CPSF3: variants seen among roughly 807,000 people sequenced by gnomAD.
CPSF3 encodes the protein cleavage and polyadenylation specific factor 3.
CPSF3 carries 57 observed loss-of-function variants against 84.1 expected under a neutral mutation model. The observed-to-expected ratio is 0.68, with a 90% CI of 0.55 to 0.85. The LOEUF (loss-of-function observed/expected upper bound fraction) is 0.85. Among genes scored for constraint, CPSF3 ranks in the 40% least tolerant of loss-of-function variants. The pLI, the probability that CPSF3 is intolerant of heterozygous loss-of-function variation, is 0.00. For synonymous variants in CPSF3, 275 were observed against 278.1 expected (o/e 0.99, Z 0.11); for missense variants, 522 against 838.8 (o/e 0.62, Z 4.66).
chr2:9,423,814 TCCGA>T lies in CPSF3; in HGVS notation c.44_47del (p.Arg15ProfsTer8). 3.7e-6 allele frequency: 6 copies of T among 1,613,392 alleles called. No homozygotes were observed. Among genetic ancestry groups the T allele is most frequent in the Non-Finnish European group, 5.1e-6 (6 of 1,179,750 alleles). On this transcript the variant is annotated frameshift_variant, in exon 1 of 18. Coordinates refer to ENST00000238112, the MANE Select transcript of CPSF3 (RefSeq NM_016207.4). LOFTEE classifies it high-confidence loss of function. ...GCTGAGGAGAGCGACCAGCTGCTGATCCGACCCCTGTAAGGGACCAGCGAGAGAG... is the reference window on the plus strand; with the variant it reads ...GCTGAGGAGAGCGACCAGCTGCTGATCCCCTGTAAGGGACCAGCGAGAGAG...
At chr2:9,448,170 A>G (rs963751953) in intron 10 of CPSF3, 28 bp from the exon 11 acceptor site, 1 of 1,404,386 alleles carries the variant, frequency 7.1e-7, no homozygotes. Context: ...ATGTTTCCAT[A>G]TATTCTTTTA....
At chr2:9,471,304 G>A (rs544908167) in intron 16 of CPSF3, 39 bp from the exon 17 acceptor site, 60 of 1,189,616 alleles carry the variant, frequency 5.0e-5, no homozygotes, top group East Asian at 1.6e-4. Context: ...ATATAAAGCC[G>A]GGCATTTTCA....
rs367996277 is a variant in CPSF3 at position 9,436,387 on chromosome 2, C to T, written c.760+26C>T. On this transcript the variant is annotated intron_variant, in intron 7 of 17. Transcript: ENST00000238112. The stretch of plus-strand genomic sequence containing the variant: ...GTATGCCATTTCCTTTGTATTTAGG[C>T]GATGATCAAAATCTTGTCATTTTAT... The T allele has an allele frequency of 3.0e-4, 472 of 1,578,788 alleles. 1 individual carries two copies. The highest frequency in any genetic ancestry group is 5.6e-4 in the South Asian group (48 of 86,262).
chr2:9,449,978 A>T (rs1453403739), intron 11 of CPSF3, among the ~76,000 whole-genome samples: 3 of 151,908 alleles, frequency 2.0e-5, no homozygotes, highest in African/African-American at 7.3e-5. Flanking sequence ...TATGTTGAAG[A>T]GATATGTGCA....
rs1370670757 is a variant in CPSF3, at chr2:9,441,942, T to C, written c.1061T>C (p.Ile354Thr). 5 of 1,614,134 alleles carry C rather than the reference T, an allele frequency of 3.1e-6. No homozygotes were observed. In the Admixed American group the frequency reaches 5.0e-5, roughly 16 times the overall value. Residue 354 changes from isoleucine (I) to threonine (T), a missense_variant, in exon 9 of 18, where the codon ATA becomes ACA. Transcript: ENST00000238112. Reference protein sequence around the residue: ...WCTDKRNGVIIAGYCVEGTLA... With the variant: ...WCTDKRNGVITAGYCVEGTLA... ...ACTGATAAGAGGAATGGTGTCATTATAGCGGGATACTGTGTAGAAGGGACA... is the reference window on the plus strand; with the variant it reads ...ACTGATAAGAGGAATGGTGTCATTACAGCGGGATACTGTGTAGAAGGGACA...
chr2:9,468,916 G>T (rs985556430), intron 16 of CPSF3, among the ~76,000 whole-genome samples: 2 of 151,966 alleles, frequency 1.3e-5, no homozygotes, highest in African/African-American at 4.8e-5. Context: ...GTGAACCCCC[G>T]TGCCCGGCCC....
chr2:9,442,118 A>G (rs1318800837), intron 9 of CPSF3, 142 bp downstream of exon 9: 6 of 802,288 alleles, frequency 7.5e-6, no homozygotes, highest in Non-Finnish European at 8.1e-6. Flanking sequence ...ATAGGTAGCT[A>G]GAGATGTGCG....
Position 9,442,679 on chromosome 2 carries a change from C to T in CPSF3, c.1095+703C>T, listed in dbSNP as rs546857720. ...CAGCCTGGCCAACATGGCGAAACCCCGTCTCTACTAAAAATACAAAAAATT... is the reference window on the plus strand; with the variant it reads ...CAGCCTGGCCAACATGGCGAAACCCTGTCTCTACTAAAAATACAAAAAATT... On this transcript the variant is annotated intron_variant, in intron 9 of 17. Coordinates refer to ENST00000238112, the MANE Select transcript of CPSF3 (RefSeq NM_016207.4). Among the ~76,000 whole-genome samples, 8 of 152,056 alleles carry T rather than the reference C, an allele frequency of 5.3e-5. No individual in the cohort carries two copies. In the East Asian group the frequency reaches 5.8e-4, roughly 11 times the overall value.
At chr2:9,456,905 A>G (rs763653165) in intron 13 of CPSF3, 28 bp from the exon 14 acceptor site, 58 of 1,327,822 alleles carry the variant, frequency 4.4e-5, no homozygotes, top group Non-Finnish European at 6.1e-5. Flanking sequence ...AAAAGTATAT[A>G]CATCTTATAG....
At chr2:9,463,473 G>A (rs573447757) in intron 15 of CPSF3, among the ~76,000 whole-genome samples, 7 of 152,302 alleles carry the variant, frequency 4.6e-5, no homozygotes, top group Non-Finnish European at 8.8e-5. Context: ...GCTGTAAGTG[G>A]TGACAGAAAG....
intron 11 of CPSF3, among the ~76,000 whole-genome samples, chr2:9,451,993 G>A (rs1681349177): frequency 6.6e-6 from 1 of 152,114 alleles, no homozygotes; most frequent in African/African-American, 2.4e-5. Flanking sequence ...TGGGATTATG[G>A]GCGTGAGCCA....
chr2:9,472,994 G>A lies in CPSF3; in HGVS notation c.2032G>A (p.Glu678Lys), dbSNP rs775413626. The change falls in exon 18 of 18, where the codon GAG (glutamate) becomes AAG (lysine). Residue 678 changes from glutamate to lysine, a missense_variant. Around this residue, in one of 2 missense-constraint regions of CPSF3, gnomAD observed 193 missense variants for 231.6 expected, o/e 0.83. Transcript: ENST00000238112. Reference sequence around the variant, plus strand: ...GGAGCTGGCTGCACAGAGACTGTACGAGGCCCTGACGCCAGTTCACTGAGA... The same window carrying A: ...GGAGCTGGCTGCACAGAGACTGTACAAGGCCCTGACGCCAGTTCACTGAGA... ...MVELAAQRLY[E>K]ALTPVH 14 of 1,613,552 alleles carry A rather than the reference G, an allele frequency of 8.7e-6. No individual in the cohort carries two copies. Among genetic ancestry groups the A allele is most frequent in the East Asian group, 2.2e-5 (1 of 44,874 alleles).
Position 9,435,968 on chromosome 2 carries a change from G to A in CPSF3, c.610-243G>A, listed in dbSNP as rs140490586. ...GGCTGGTCTCAAACTGCTGACCTCA[G>A]GTGATCCACCCACCTTGGCTTCCCA... On this transcript the variant is annotated intron_variant, in intron 6 of 17. Transcript: ENST00000238112. Among the ~76,000 whole-genome samples the A allele has an allele frequency of 6.6e-3, 1,001 of 152,230 alleles. 8 individuals are homozygous for A. Among genetic ancestry groups the A allele is most frequent in the African/African-American group, 0.022 (934 of 41,534 alleles).
Position 9,440,577 on chromosome 2 carries a change from C to G in CPSF3, c.847C>G (p.Gln283Glu). 6.2e-7 allele frequency: 1 copy of G among 1,614,034 alleles called. No homozygotes were observed. The highest frequency in any genetic ancestry group is 8.5e-7 in the Non-Finnish European group (1 of 1,179,922). ...SLAKKCMAVYQTYVNAMNDKI... is the reference protein window; with the variant it reads ...SLAKKCMAVYETYVNAMNDKI... Reference sequence around the variant, plus strand: ...GGCCAAGAAGTGTATGGCAGTGTACCAGACATATGTAAATGCCATGAATGA... The same window carrying G: ...GGCCAAGAAGTGTATGGCAGTGTACGAGACATATGTAAATGCCATGAATGA... Residue 283 changes from glutamine to glutamate, a missense_variant, in exon 8 of 18, where the codon CAG (glutamine) becomes GAG (glutamate). Physicochemically the swap from Gln to Glu is conservative, Grantham distance 29 (BLOSUM62 2). This residue lies in a region of CPSF3 where 329 missense variants were observed against 607.2 expected (regional missense o/e 0.54). Coordinates refer to ENST00000238112, the MANE Select transcript of CPSF3 (RefSeq NM_016207.4).
At chr2:9,464,817 C>G (rs1444223963) in intron 15 of CPSF3, among the ~76,000 whole-genome samples, 1 of 152,026 alleles carries the variant, frequency 6.6e-6, no homozygotes, top group Non-Finnish European at 1.5e-5. Flanking sequence ...GTCTCAAATG[C>G]CTGAGCTCAA....
chr2:9,439,397 C>T lies in CPSF3; in HGVS notation c.761-1094C>T, dbSNP rs370617864. Among the ~76,000 whole-genome samples, 245 of 148,340 alleles carry T rather than the reference C, an allele frequency of 1.7e-3. 1 individual carries two copies. In the East Asian group the frequency reaches 0.019, roughly 11 times the overall value. Reference sequence around the variant, plus strand: ...TTGAGGCAGGAGAATGGCATGAACCCGGGAGGCGGAACTTGCAGTGAGCGG... The same window carrying T: ...TTGAGGCAGGAGAATGGCATGAACCTGGGAGGCGGAACTTGCAGTGAGCGG... On this transcript the variant is annotated intron_variant, in intron 7 of 17. Coordinates refer to ENST00000238112, the MANE Select transcript of CPSF3 (RefSeq NM_016207.4).
At chr2:9,430,273 T>A (rs1024557555) in intron 3 of CPSF3, among the ~76,000 whole-genome samples, 1 of 152,212 alleles carries the variant, frequency 6.6e-6, no homozygotes, top group Non-Finnish European at 1.5e-5. Context: ...CTTGAATCAT[T>A]GTAAAACTTG....
intron 11 of CPSF3, among the ~76,000 whole-genome samples, chr2:9,448,922 C>T (rs1468542985): frequency 6.6e-6 from 1 of 152,128 alleles, no homozygotes; most frequent in Admixed American, 6.6e-5. Flanking sequence ...CTTTTCCTAC[C>T]CACATCTGAG....
At chr2:9,441,773 C>G in intron 8 of CPSF3, 45 bp from the exon 9 acceptor site, 22 of 1,588,132 alleles carry the variant, frequency 1.4e-5, no homozygotes, top group Non-Finnish European at 1.9e-5. Context: ...GCTTTGTCAG[C>G]TGCTGGTAGC....
Sources: allele counts gnomAD v4.1 joint callset (sites outside exome capture counted in the v4.1 genomes callset), GRCh38; gene constraint gnomAD v4.1.1; regional missense constraint gnomAD v4.1.1; transcripts MANE v1.5; gene names NCBI Gene and HGNC (gene_info 2026-07-23, HGNC 2026-07-21).